ERBIN: variants seen among roughly 807,000 people sequenced by gnomAD.
ERBIN encodes the protein densin-180-like protein.
ERBIN carries 60 observed loss-of-function variants against 158.4 expected under a neutral mutation model. That is an observed-to-expected ratio of 0.38 (90% CI 0.31 to 0.47). ERBIN has a LOEUF of 0.47. Among genes scored for constraint, ERBIN ranks in the 20% least tolerant of loss-of-function variants. The pLI, the probability that ERBIN is intolerant of heterozygous loss-of-function variation, is 0.99. For missense variants in ERBIN, 1,610 were observed against 1,648.0 expected (o/e 0.98, Z 0.40); for synonymous variants, 594 against 557.2 (o/e 1.07, Z -0.93).
At chr5:65,981,745 T>C (rs1279066344) in intron 1 of ERBIN, among the ~76,000 whole-genome samples, 3 of 152,220 alleles carry the variant, frequency 2.0e-5, no homozygotes, top group African/African-American at 7.2e-5. Flanking sequence ...TTTCTCTGAA[T>C]TATGTGAATC....
intron 4 of ERBIN, among the ~76,000 whole-genome samples, chr5:66,005,462 C>T (rs1190035091): frequency 3.3e-5 from 5 of 152,088 alleles, no homozygotes; most frequent in Non-Finnish European, 4.4e-5. Context: ...TGGGAGTTGT[C>T]ACCATATGGA....
chr5:65,964,450 G>A (rs1748297152), intron 1 of ERBIN, among the ~76,000 whole-genome samples: 1 of 152,158 alleles, frequency 6.6e-6, no homozygotes, highest in Non-Finnish European at 1.5e-5. Context: ...GAATCCTGCT[G>A]GTTGGAGAAC....
At chr5:65,989,049 G>A (rs1290409569) in intron 2 of ERBIN, among the ~76,000 whole-genome samples, 5 of 13,890 alleles carry the variant, frequency 3.6e-4, no homozygotes, top group African/African-American at 5.8e-4. Flanking sequence ...TTTCTTCTTC[G>A]TTGTGATTAG....
At chr5:66,015,706 A>G (rs1754642998) in intron 7 of ERBIN, among the ~76,000 whole-genome samples, 1 of 152,130 alleles carries the variant, frequency 6.6e-6, no homozygotes, top group Admixed American at 6.6e-5. Context: ...GCACAGCAGC[A>G]TGTAACTATA....
intron 1 of ERBIN, among the ~76,000 whole-genome samples, chr5:65,952,290 CAG>C (rs1167367022): frequency 1.3e-5 from 2 of 152,028 alleles, no homozygotes; most frequent in African/African-American, 4.8e-5. Flanking sequence ...AGATATACTA[CAG>C]AGAGTCCACA....
chr5:66,078,326 G>A (rs1762199384), intron 25 of ERBIN, 97 bp from the exon 26 acceptor site: 2 of 766,024 alleles, frequency 2.6e-6, no homozygotes, highest in Non-Finnish European at 4.3e-6. Flanking sequence ...AGTTGCCAAA[G>A]TGATTCTTAT....
intron 1 of ERBIN, among the ~76,000 whole-genome samples, chr5:65,945,611 C>A (rs529585040): frequency 6.6e-6 from 1 of 152,166 alleles, no homozygotes; most frequent in African/African-American, 2.4e-5. Context: ...AACTGCTTAG[C>A]CATTCAATTT....
chr5:66,038,598 C>A, intron 15 of ERBIN, 116 bp downstream of exon 15: 2 of 670,606 alleles, frequency 3.0e-6, no homozygotes, highest in Non-Finnish European at 4.9e-6. Flanking sequence ...GAGAATTGAC[C>A]AAAACAGTTT....
At chr5:65,966,893 GTGTT>G (rs1580188134) in intron 1 of ERBIN, among the ~76,000 whole-genome samples, 3 of 151,936 alleles carry the variant, frequency 2.0e-5, no homozygotes, top group Non-Finnish European at 4.4e-5. Context: ...GCTAATGTGT[GTGTT>G]TGTGTTTTCA....
chr5:66,044,375 T>TA lies in ERBIN; in HGVS notation c.1602+66dup, dbSNP rs1758205154. 3.5e-6 allele frequency: 5 copies of TA among 1,429,744 alleles called. No individual in the cohort carries two copies. In the Admixed American group the frequency reaches 1.1e-4, roughly 32 times the overall value. The allele number at this position is 1,429,744 out of a possible 1,614,324, so 88.6% of individuals were successfully genotyped here. A position where few individuals can be genotyped will look rare whatever the true frequency, so the allele number is the denominator to read the frequency against. On this transcript the variant is annotated intron_variant, in intron 17 of 25. Transcript: ENST00000284037. ...GTTCTTATTTTTAAATGACAGTTGA[T>TA]ATAGTGCCCCTTTTCATGTACTCTG...
chr5:65,929,734 G>C (rs147889642), intron 1 of ERBIN, among the ~76,000 whole-genome samples: 1 of 148,308 alleles, frequency 6.7e-6, no homozygotes, highest in African/African-American at 2.5e-5. Context: ...TCCACCTCCC[G>C]GGTTCCAGCG....
intron 1 of ERBIN, among the ~76,000 whole-genome samples, chr5:65,968,290 G>C (rs1748883433): frequency 6.6e-6 from 1 of 152,114 alleles, no homozygotes; most frequent in Non-Finnish European, 1.5e-5. Context: ...GGCACGGTGA[G>C]GATTTTCTAT....
chr5:65,977,518 G>A (rs1178436667), intron 1 of ERBIN, among the ~76,000 whole-genome samples: 15 of 151,530 alleles, frequency 9.9e-5, no homozygotes, highest in South Asian at 2.1e-4. Flanking sequence ...CATCCCGGAC[G>A]GGGCGGCAGG....
chr5:65,965,379 GTTGTTTTTTTTTTTTTTTTTTT>G (rs1748460353), intron 1 of ERBIN, among the ~76,000 whole-genome samples: 5 of 103,652 alleles, frequency 4.8e-5, no homozygotes, highest in African/African-American at 1.9e-4. Flanking sequence ...TTTGTTTTTT[GTTGTTTTTTTTTTTTTTTTTTT>G]TTTTTTTTTT....
At chr5:66,035,412 A>G (rs1046497191) in intron 14 of ERBIN, among the ~76,000 whole-genome samples, 4 of 152,212 alleles carry the variant, frequency 2.6e-5, no homozygotes, top group African/African-American at 9.6e-5. Context: ...AGGCCTGGAA[A>G]TGCAACCCTT....
At chr5:65,927,802 A>C (rs750694003) in intron 1 of ERBIN, among the ~76,000 whole-genome samples, 9 of 152,170 alleles carry the variant, frequency 5.9e-5, no homozygotes, top group Non-Finnish European at 5.9e-5. Context: ...CAGACATTCC[A>C]CCAGTCAGAG....
rs542880136 is a variant in ERBIN at position 65,985,935 on chromosome 5, T to C, written c.-57-2700T>C. Reference sequence around the variant, plus strand: ...ATAACATCTTCCTCCTTGAAACTTTTTTTTTTTCCGCCTGGCGTTTAGAAT... The same window carrying C: ...ATAACATCTTCCTCCTTGAAACTTTCTTTTTTTCCGCCTGGCGTTTAGAAT... On this transcript the variant is annotated intron_variant, in intron 1 of 25. Transcript: ENST00000284037. Among the ~76,000 whole-genome samples the C allele has an allele frequency of 1.2e-4, 19 of 152,302 alleles. No homozygotes were observed. In the East Asian group the frequency reaches 2.3e-3, roughly 19 times the overall value.
intron 1 of ERBIN, among the ~76,000 whole-genome samples, chr5:65,977,963 G>GAGGGAGAGGGAA (rs1750207297): frequency 1.3e-5 from 2 of 151,142 alleles, no homozygotes; most frequent in African/African-American, 4.9e-5. Context: ...GGTTAGGGGA[G>GAGGGAGAGGGAA]AGGGAGAGGG....
chr5:66,021,206 A>G (rs533621163), intron 7 of ERBIN, 116 bp from the exon 8 acceptor site: 6 of 511,342 alleles, frequency 1.2e-5, no homozygotes, highest in Admixed American at 8.0e-5. Context: ...TATTTTGTCA[A>G]CATGTGAAAG....
Sources: gnomAD v4.1 joint callset for allele counts (sites outside exome capture counted in the v4.1 genomes callset) on GRCh38, gnomAD v4.1.1 for gene constraint, MANE v1.5 for transcripts, NCBI Gene and HGNC (gene_info 2026-07-23, HGNC 2026-07-21) for gene names.